RYK: variants seen among roughly 807,000 people sequenced by gnomAD.
The protein encoded by RYK is inactive tyrosine-protein kinase RYK.
A neutral mutation model predicts 70.2 loss-of-function variants in RYK; 21 were observed. The ratio of observed to expected loss-of-function variants is 0.30; its 90% CI spans 0.21 to 0.43. The LOEUF is 0.43. Ranked by LOEUF, RYK falls within the 20% of genes least tolerant of loss-of-function variation. The probability of loss-of-function intolerance (pLI) is 1.00; values close to 1 mark genes in which losing one functional copy is unlikely to be tolerated. For synonymous variants in RYK, 267 were observed against 278.0 expected (o/e 0.96, Z 0.39); for missense variants, 604 against 753.3 (o/e 0.80, Z 2.32).
chr3:134,175,028 T>A (rs1370023620), intron 13 of RYK, among the ~76,000 whole-genome samples: 1 of 152,188 alleles, frequency 6.6e-6, no homozygotes, highest in East Asian at 1.9e-4. Flanking sequence ...CCACAGCCTA[T>A]CTCCTAGTGT....
intron 6 of RYK, among the ~76,000 whole-genome samples, chr3:134,202,267 C>G (rs2014051104): frequency 6.6e-6 from 1 of 152,206 alleles, no homozygotes; most frequent in African/African-American, 2.4e-5. Flanking sequence ...GACCCAAATA[C>G]CAGTATGTTT....
intron 1 of RYK, among the ~76,000 whole-genome samples, chr3:134,226,848 A>G (rs2014924341): frequency 6.6e-6 from 1 of 152,170 alleles, no homozygotes; most frequent in South Asian, 2.1e-4. Flanking sequence ...CCTACAGCTA[A>G]TATCATACTC....
chr3:134,199,091 C>G (rs991349446), intron 6 of RYK, among the ~76,000 whole-genome samples: 1 of 152,198 alleles, frequency 6.6e-6, no homozygotes, highest in Non-Finnish European at 1.5e-5. Flanking sequence ...TCTGCCTATC[C>G]AGGACAGACT....
intron 13 of RYK, among the ~76,000 whole-genome samples, chr3:134,165,626 C>A (rs77844717): frequency 6.6e-6 from 1 of 152,100 alleles, no homozygotes; most frequent in African/African-American, 2.4e-5. Flanking sequence ...TGGCAAACAG[C>A]CACTGAGGTA....
intron 1 of RYK, among the ~76,000 whole-genome samples, chr3:134,228,811 T>C (rs1330932713): frequency 6.6e-6 from 1 of 152,102 alleles, no homozygotes; most frequent in African/African-American, 2.4e-5. Flanking sequence ...AGTCACTAGT[T>C]AACAGTAAAA....
At chr3:134,224,126 G>GA (rs2014816030) in intron 1 of RYK, among the ~76,000 whole-genome samples, 1 of 152,128 alleles carries the variant, frequency 6.6e-6, no homozygotes, top group South Asian at 2.1e-4. Context: ...CAAAGAAATA[G>GA]AAAAAAGGCA....
At chr3:134,223,873 G>A (rs2014809036) in intron 1 of RYK, among the ~76,000 whole-genome samples, 1 of 152,176 alleles carries the variant, frequency 6.6e-6, no homozygotes. Flanking sequence ...GGTCAAGATG[G>A]AGATCTCATA....
intron 13 of RYK, 49 bp from the exon 14 acceptor site, chr3:134,159,422 A>G (rs768556915): frequency 2.0e-6 from 3 of 1,525,758 alleles, no homozygotes; most frequent in Non-Finnish European, 2.6e-6. Flanking sequence ...AACAACAGTC[A>G]GGGGGCTAGC....
chr3:134,170,761 G>A (rs2012873975), intron 13 of RYK: 2 of 152,422 alleles, frequency 1.3e-5, no homozygotes, highest in African/African-American at 4.8e-5. Context: ...AAAACAAAAA[G>A]GACCTCAATG....
intron 1 of RYK, among the ~76,000 whole-genome samples, chr3:134,241,107 G>A (rs1382356685): frequency 8.5e-6 from 1 of 117,790 alleles, no homozygotes; most frequent in Admixed American, 8.2e-5. Context: ...TGGTGGGGGA[G>A]GGAAATCACT....
At chr3:134,204,366 G>C (rs1419399265) in intron 5 of RYK, among the ~76,000 whole-genome samples, 1 of 151,842 alleles carries the variant, frequency 6.6e-6, no homozygotes, top group Non-Finnish European at 1.5e-5. Context: ...GTGTATGGTG[G>C]TGCGCACCTG....
intron 10 of RYK, chr3:134,180,744 T>C (rs1032634531): frequency 1.3e-5 from 2 of 152,238 alleles, no homozygotes; most frequent in African/African-American, 4.8e-5. Context: ...AAGAATAATA[T>C]ACTTTCTACA....
At chr3:134,206,667 A>C (rs953430101) in intron 5 of RYK, among the ~76,000 whole-genome samples, 4 of 152,128 alleles carry the variant, frequency 2.6e-5, no homozygotes, top group African/African-American at 9.7e-5. Flanking sequence ...CTTTTAAAGG[A>C]GATCTACACT....
chr3:134,237,173 G>T (rs2015217937), intron 1 of RYK, among the ~76,000 whole-genome samples: 1 of 152,118 alleles, frequency 6.6e-6, no homozygotes, highest in African/African-American at 2.4e-5. Flanking sequence ...ACATGAACTG[G>T]CCTAACTCAA....
chr3:134,245,176 A>G (rs1704719721), intron 1 of RYK, among the ~76,000 whole-genome samples: 1 of 152,244 alleles, frequency 6.6e-6, no homozygotes, highest in South Asian at 2.1e-4. Flanking sequence ...TGCCCCACAC[A>G]GACAAAAGAC....
At chr3:134,181,184 AGG>A (rs2013282254) in intron 10 of RYK, 3 of 152,360 alleles carry the variant, frequency 2.0e-5, no homozygotes, top group Middle Eastern at 3.4e-3. Flanking sequence ...TCTAAGTAAT[AGG>A]TTAACATTAT....
In RYK at chr3:134,188,879, C is replaced by A; in HGVS notation, c.1060G>T (p.Asp354Tyr). ...IFHGILIDEKDPNKEKQAFVK... is the reference protein window; with the variant it reads ...IFHGILIDEKYPNKEKQAFVK... The stretch of plus-strand genomic sequence containing the variant: ...AATGCTTGTTTTTCTTTATTTGGAT[C>A]TTTTTCATCTATTAAAATCCCATGG... The change falls in exon 9 of 15, where the codon GAT (aspartate) becomes TAT (tyrosine). Residue 354 changes from aspartate to tyrosine, a missense_variant. Around this residue, in one of 2 missense-constraint regions of RYK, gnomAD observed 466 missense variants for 535.9 expected, o/e 0.87. Coordinates refer to ENST00000623711, the MANE Select transcript of RYK (RefSeq NM_002958.4). The A allele has an allele frequency of 6.3e-7, 1 of 1,581,302 alleles. No individual in the cohort carries two copies. Among genetic ancestry groups the A allele is most frequent in the South Asian group, 1.1e-5 (1 of 87,570 alleles).
chr3:134,172,101 T>C (rs1431030419), intron 13 of RYK, among the ~76,000 whole-genome samples: 34 of 152,180 alleles, frequency 2.2e-4, no homozygotes, highest in Non-Finnish European at 2.9e-5. Context: ...AGCCATATCA[T>C]TTCAGCAAAG....
chr3:134,232,289 A>G (rs1183432034), intron 1 of RYK, among the ~76,000 whole-genome samples: 2 of 152,140 alleles, frequency 1.3e-5, no homozygotes, highest in Non-Finnish European at 2.9e-5. Flanking sequence ...ACCACAGCCT[A>G]CATCAGACAT....
Sources: gnomAD v4.1 joint callset for allele counts (sites outside exome capture counted in the v4.1 genomes callset) on GRCh38, gnomAD v4.1.1 for gene constraint, gnomAD v4.1.1 regional missense constraint, MANE v1.5 for transcripts, NCBI Gene and HGNC (gene_info 2026-07-23, HGNC 2026-07-21) for gene names.